The following ARL4A variants were observed in gnomAD, a reference collection of about 807,000 sequenced individuals.
The protein encoded by ARL4A is ADP-ribosylation factor-like protein 4A.
A neutral mutation model predicts 13.9 loss-of-function variants in ARL4A; 5 were observed. That is an observed-to-expected ratio of 0.36 (90% confidence interval 0.19 to 0.75). The LOEUF is 0.75. Ranked by LOEUF, ARL4A falls within the 30% of genes least tolerant of loss-of-function variation. The pLI is 0.53. For missense variants in ARL4A, 147 were observed against 225.8 expected, an observed-to-expected ratio of 0.65 and a Z score of 2.24; for synonymous variants, 77 against 84.4, an observed-to-expected ratio of 0.91 and a Z score of 0.48.
upstream of ARL4A, chr7:12,687,215 C>G (rs1046068081): frequency 6.6e-6 from 1 of 152,162 alleles, no homozygotes; most frequent in Non-Finnish European, 1.5e-5. This position sits in a 1 kb window ranked among gnomAD's most constrained non-coding sequence, Gnocchi z 5.6. Context: ...CGGCAACAGC[C>G]GGCACCCTCG....
Position 12,688,617 on chromosome 7 carries a change from A to T in ARL4A, c.363A>T (p.Ile121=). The T allele has an allele frequency of 6.2e-7, 1 of 1,613,260 alleles. No individual in the cohort carries two copies. ...AKTELHKITR[I]SENQGVPVLI... ...CTGAACTTCACAAAATAACTAGGAT[A>T]TCAGAAAATCAGGGAGTCCCTGTAC... is the stretch of plus-strand genomic sequence containing the variant. The change falls in exon 2 of 2, where the codon ATA becomes ATT. Residue 121 remains isoleucine, a synonymous_variant. Transcript: ENST00000651779. This position sits in a 1 kb window ranked among gnomAD's most constrained non-coding sequence, Gnocchi z 5.2.
rs1358388923 is a variant in ARL4A, at chr7:12,690,491, A to G, written c.*1634A>G. The G allele has an allele frequency of 6.0e-6, 1 of 166,792 alleles. No homozygotes were observed. The highest frequency in any genetic ancestry group is 1.9e-4 in the East Asian group (1 of 5,194). The allele number at this position is 166,792 out of a possible 1,614,324, so 10.3% of individuals were successfully genotyped here. On this transcript the variant is annotated 3_prime_UTR_variant, in exon 2 of 2. Transcript: ENST00000651779. ...CTACTTGAGGCACTAGGAGAACAGT[A>G]TTTGACTTTGAATTTTAATGTATTT...
rs1044798034 is a variant in ARL4A, at chr7:12,689,793, G to A, written c.*936G>A. On this transcript the variant is annotated 3_prime_UTR_variant, in exon 2 of 2. Coordinates refer to ENST00000651779, the MANE Select transcript of ARL4A (RefSeq NM_005738.5). ...AATATGTGGTCTCTAAAATATTCCAGTTACAAGATATTTGTTTTATTAATA... is the reference window on the plus strand; with the variant it reads ...AATATGTGGTCTCTAAAATATTCCAATTACAAGATATTTGTTTTATTAATA... The A allele has an allele frequency of 6.0e-6, 1 of 166,744 alleles. No individual in the cohort carries two copies. Among genetic ancestry groups the A allele is most frequent in the African/African-American group, 2.4e-5 (1 of 41,438 alleles). The allele number at this position is 166,744 out of a possible 1,614,324, so 10.3% of individuals were successfully genotyped here. A position where few individuals can be genotyped will look rare whatever the true frequency, so the allele number is the denominator to read the frequency against.
chr7:12,687,475 G>C (rs1282843992), upstream of ARL4A: 6 of 152,634 alleles, frequency 3.9e-5, no homozygotes, highest in South Asian at 2.1e-4. This position sits in a 1 kb window ranked among gnomAD's most constrained non-coding sequence, Gnocchi z 5.6. Flanking sequence ...GCTCCGCCGC[G>C]CTGGGAGCGG....
In ARL4A at chr7:12,690,934, A is replaced by G. The variant is rs755363088; in HGVS notation, c.*2077A>G. The G allele has an allele frequency of 1.2e-5, 2 of 165,106 alleles. No individual in the cohort carries two copies. The highest frequency in any genetic ancestry group is 2.9e-5 in the Non-Finnish European group (2 of 68,112). The allele number at this position is 165,106 out of a possible 1,614,324, so 10.2% of individuals were successfully genotyped here. A position where few individuals can be genotyped will look rare whatever the true frequency, so the allele number is the denominator to read the frequency against. ...ACACTGTACAAACTTTGATTTATAAAAGACAATTTCAGCTATAAAACCCAT... is the reference window on the plus strand; with the variant it reads ...ACACTGTACAAACTTTGATTTATAAGAGACAATTTCAGCTATAAAACCCAT... On this transcript the variant is annotated 3_prime_UTR_variant, in exon 2 of 2. Coordinates refer to ENST00000651779, the MANE Select transcript of ARL4A (RefSeq NM_005738.5).
chr7:12,687,099 G>C (rs1784531583), upstream of ARL4A: 1 of 152,666 alleles, frequency 6.6e-6, no homozygotes. This position sits in a 1 kb window ranked among gnomAD's most constrained non-coding sequence, Gnocchi z 5.6. Flanking sequence ...AGGGAGAAGA[G>C]CCGGTCGTGT....
chr7:12,688,159 C>G lies in ARL4A; in HGVS notation c.-89-7C>G. On this transcript the variant is annotated splice_region_variant and splice_polypyrimidine_tract_variant and intron_variant, in intron 1 of 1. Coordinates refer to ENST00000651779, the MANE Select transcript of ARL4A (RefSeq NM_005738.5). The surrounding 1 kb of genome is among the most constrained non-coding windows in gnomAD (Gnocchi z 5.2). ...GAGAATAACTTATTCCTTCTTCCGT[C>G]TCCCAGCAGTCTTATAGCTGGATCA... 1 of 1,468,466 alleles carries G rather than the reference C, an allele frequency of 6.8e-7. No homozygotes were observed. Among genetic ancestry groups the G allele is most frequent in the Non-Finnish European group, 9.1e-7 (1 of 1,097,750 alleles). 91.0% of individuals were successfully genotyped at this position (1,468,466 alleles called of 1,614,324 possible). A position where few individuals can be genotyped will look rare whatever the true frequency, so the allele number is the denominator to read the frequency against.
In ARL4A at chr7:12,689,206, C is replaced by T. The variant is rs73300794; in HGVS notation, c.*349C>T. 4,060 of 208,594 alleles carry T rather than the reference C, an allele frequency of 0.019. 177 individuals carry two copies. The highest frequency in any genetic ancestry group is 0.085 in the African/African-American group (3,581 of 42,354). The allele number at this position is 208,594 out of a possible 1,614,324, so 12.9% of individuals were successfully genotyped here. A position where few individuals can be genotyped will look rare whatever the true frequency, so the allele number is the denominator to read the frequency against. ...CCTAGTGTTTTGTGCTTACATCTTT[C>T]GGGGGGAAGCCTTTGCAAGAAAATT... On this transcript the variant is annotated 3_prime_UTR_variant, in exon 2 of 2. Coordinates refer to ENST00000651779, the MANE Select transcript of ARL4A (RefSeq NM_005738.5).
At position 12,688,401 on chromosome 7, in the gene ARL4A, A is replaced by G. The variant is rs1464054434; in HGVS notation, c.147A>G (p.Val49=). The part of the protein sequence containing the change: ...RLQFNEFVNT[V]PTKGFNTEKI... ...AGTTCAATGAATTTGTAAATACCGTACCTACCAAAGGATTTAACACTGAGA... is the reference window on the plus strand; with the variant it reads ...AGTTCAATGAATTTGTAAATACCGTGCCTACCAAAGGATTTAACACTGAGA... Residue 49 remains valine, a synonymous_variant, in exon 2 of 2, where the codon GTA becomes GTG. Transcript: ENST00000651779. The surrounding 1 kb of genome is among the most constrained non-coding windows in gnomAD (Gnocchi z 5.2). The G allele has an allele frequency of 2.5e-6, 4 of 1,613,942 alleles. No individual in the cohort carries two copies. Among genetic ancestry groups the G allele is most frequent in the South Asian group, 1.1e-5 (1 of 91,076 alleles).
chr7:12,688,087 T>A lies in ARL4A; in HGVS notation c.-89-79T>A, dbSNP rs1450478415. ...AAGTTATAGTAAGTTCTTCGTGTTG[T>A]TTATTTTAGCAAAGTAGAGCAAACC... On this transcript the variant is annotated intron_variant, in intron 1 of 1. Transcript: ENST00000651779. This position sits in a 1 kb window ranked among gnomAD's most constrained non-coding sequence, Gnocchi z 5.2. 9.8e-7 allele frequency: 1 copy of A among 1,016,714 alleles called. No individual in the cohort carries two copies. Among genetic ancestry groups the A allele is most frequent in the Non-Finnish European group, 1.4e-6 (1 of 714,764 alleles). The allele number at this position is 1,016,714 out of a possible 1,614,324, so 63.0% of individuals were successfully genotyped here.
Position 12,688,163 on chromosome 7 carries a change from C to T in ARL4A, c.-89-3C>T. ...ATAACTTATTCCTTCTTCCGTCTCC[C>T]AGCAGTCTTATAGCTGGATCAGCTA... On this transcript the variant is annotated splice_region_variant and splice_polypyrimidine_tract_variant and intron_variant, in intron 1 of 1. Transcript: ENST00000651779. This position sits in a 1 kb window ranked among gnomAD's most constrained non-coding sequence, Gnocchi z 5.2. The T allele has an allele frequency of 2.0e-6, 3 of 1,475,220 alleles. No individual in the cohort carries two copies. The highest frequency in any genetic ancestry group is 2.7e-6 in the Non-Finnish European group (3 of 1,104,382). 91.4% of individuals were successfully genotyped at this position (1,475,220 alleles called of 1,614,324 possible). A position where few individuals can be genotyped will look rare whatever the true frequency, so the allele number is the denominator to read the frequency against.
At position 12,690,687 on chromosome 7, in the gene ARL4A, G is replaced by T. The variant is rs1482022399; in HGVS notation, c.*1830G>T. 1 of 158,292 alleles carries T rather than the reference G, an allele frequency of 6.3e-6. No individual in the cohort carries two copies. Among genetic ancestry groups the T allele is most frequent in the Non-Finnish European group, 1.5e-5 (1 of 67,162 alleles). The allele number at this position is 158,292 out of a possible 1,614,324, so 9.8% of individuals were successfully genotyped here. A position where few individuals can be genotyped will look rare whatever the true frequency, so the allele number is the denominator to read the frequency against. On this transcript the variant is annotated 3_prime_UTR_variant, in exon 2 of 2. Coordinates refer to ENST00000651779, the MANE Select transcript of ARL4A (RefSeq NM_005738.5). ...ATGGTATCTGCTGCAAACATGAGTA[G>T]ATCCATGATGGATTAATAAAGCTTG...
rs35820745 is a variant in ARL4A at position 12,690,625 on chromosome 7, GT to G, written c.*1781del. ...TTAGATGTGACAGGCATTGAAGGCT[GT>G]TTTTTTTTTTTTCTCCCTTCACTGA... On this transcript the variant is annotated 3_prime_UTR_variant, in exon 2 of 2. Transcript: ENST00000651779. 117 of 148,496 alleles carry G rather than the reference GT, an allele frequency of 7.9e-4. No homozygotes were observed. Among genetic ancestry groups the G allele is most frequent in the East Asian group, 4.1e-4 (2 of 4,928 alleles). 9.2% of individuals were successfully genotyped at this position (148,496 alleles called of 1,614,324 possible).
upstream of ARL4A, chr7:12,687,218 C>G (rs1228840877): frequency 6.6e-6 from 1 of 152,152 alleles, no homozygotes; most frequent in Non-Finnish European, 1.5e-5. This position sits in a 1 kb window ranked among gnomAD's most constrained non-coding sequence, Gnocchi z 5.6. Flanking sequence ...CAACAGCCGG[C>G]ACCCTCGGGC....
At position 12,688,127 on chromosome 7, in the gene ARL4A, A is replaced by C. The variant is rs1232184082; in HGVS notation, c.-89-39A>C. 1.8e-5 allele frequency: 24 copies of C among 1,363,594 alleles called. No homozygotes were observed. The highest frequency in any genetic ancestry group is 2.2e-5 in the Non-Finnish European group (22 of 1,003,676). The allele number at this position is 1,363,594 out of a possible 1,614,324, so 84.5% of individuals were successfully genotyped here. ...TAGAGCAAACCTGTTTTAATGTATTATTTCGGGAGAATAACTTATTCCTTC... is the reference window on the plus strand; with the variant it reads ...TAGAGCAAACCTGTTTTAATGTATTCTTTCGGGAGAATAACTTATTCCTTC... On this transcript the variant is annotated intron_variant, in intron 1 of 1. Coordinates refer to ENST00000651779, the MANE Select transcript of ARL4A (RefSeq NM_005738.5). This position sits in a 1 kb window ranked among gnomAD's most constrained non-coding sequence, Gnocchi z 5.2.
At chr7:12,687,450 C>T (rs577071561), upstream of ARL4A, 8 of 152,506 alleles carry the variant, frequency 5.2e-5, no homozygotes, top group Admixed American at 3.9e-4. This position sits in a 1 kb window ranked among gnomAD's most constrained non-coding sequence, Gnocchi z 5.6. Context: ...TGCCGGTGGA[C>T]CGAGAGAGAG....
rs1213373371 is a variant in ARL4A at position 12,690,740 on chromosome 7, A to G, written c.*1883A>G. The G allele has an allele frequency of 3.0e-5, 5 of 165,898 alleles. No individual in the cohort carries two copies. The highest frequency in any genetic ancestry group is 7.3e-5 in the Non-Finnish European group (5 of 68,044). The allele number at this position is 165,898 out of a possible 1,614,324, so 10.3% of individuals were successfully genotyped here. A position where few individuals can be genotyped will look rare whatever the true frequency, so the allele number is the denominator to read the frequency against. ...GAAAAAAAAAATCTGTGTATCAATT[A>G]GATTTACCAGTTTGCCTGTACTTTC... is the stretch of plus-strand genomic sequence containing the variant. On this transcript the variant is annotated 3_prime_UTR_variant, in exon 2 of 2. Transcript: ENST00000651779.
chr7:12,688,372 C>T lies in ARL4A; in HGVS notation c.118C>T (p.Leu40=), dbSNP rs1227910629. 6.2e-7 allele frequency: 1 copy of T among 1,613,930 alleles called. No homozygotes were observed. The highest frequency in any genetic ancestry group is 8.5e-7 in the Non-Finnish European group (1 of 1,179,858). ...TGGAAAGACAACTGTCTTATACAGGCTGCAGTTCAATGAATTTGTAAATAC... is the reference window on the plus strand; with the variant it reads ...TGGAAAGACAACTGTCTTATACAGGTTGCAGTTCAATGAATTTGTAAATAC... ...CAGKTTVLYR[L]QFNEFVNTVP... Residue 40 remains leucine (L), a synonymous_variant, in exon 2 of 2, where the codon CTG becomes TTG. Transcript: ENST00000651779. The surrounding 1 kb of genome is among the most constrained non-coding windows in gnomAD (Gnocchi z 5.2).
Position 12,688,850 on chromosome 7 carries a change from A to G in ARL4A, c.596A>G (p.Lys199Arg), listed in dbSNP as rs757013252. ...RRKMLRQQKK[K>R]R is the part of the protein sequence containing the mutation. ...AAAATGTTGCGGCAACAGAAAAAGA[A>G]AAGATGAATATCAATACCTATTATA... Residue 199 changes from lysine (K) to arginine (R), a missense_variant, in exon 2 of 2, where the codon AAA becomes AGA. Transcript: ENST00000651779. This position sits in a 1 kb window ranked among gnomAD's most constrained non-coding sequence, Gnocchi z 5.2. 1 of 1,606,514 alleles carries G rather than the reference A, an allele frequency of 6.2e-7. No homozygotes were observed. Among genetic ancestry groups the G allele is most frequent in the Non-Finnish European group, 8.5e-7 (1 of 1,177,322 alleles).
Sources: allele counts gnomAD v4.1 joint callset, GRCh38; gene constraint gnomAD v4.1.1; non-coding constraint Gnocchi (gnomAD v3.1); transcripts MANE v1.5; gene names NCBI Gene and HGNC (gene_info 2026-07-23, HGNC 2026-07-21).